SAMD8: variants seen among roughly 807,000 people sequenced by gnomAD.
The protein encoded by SAMD8 is sphingomyelin synthase-related protein 1.
In SAMD8, 20 loss-of-function variants were observed where a neutral mutation model predicts 42.0. The ratio of observed to expected loss-of-function variants is 0.48; its 90% confidence interval spans 0.34 to 0.69. The LOEUF (loss-of-function observed/expected upper bound fraction) is 0.69. Ranked by LOEUF, SAMD8 falls within the 30% of genes least tolerant of loss-of-function variation. SAMD8 has a pLI of 0.01. For missense variants in SAMD8, 328 were observed against 511.6 expected, an observed-to-expected ratio of 0.64 and a Z score of 3.46; for synonymous variants, 162 against 173.0, an observed-to-expected ratio of 0.94 and a Z score of 0.50.
intron 1 of SAMD8, among the ~76,000 whole-genome samples, chr10:75,119,061 T>C (rs1234022921): frequency 1.3e-5 from 2 of 152,264 alleles, no homozygotes; most frequent in Non-Finnish European, 2.9e-5. Context: ...TCCTCAGTGT[T>C]TATCTTGGGA....
At chr10:75,157,651 CT>C (rs1840444424) in intron 2 of SAMD8, among the ~76,000 whole-genome samples, 1 of 152,090 alleles carries the variant, frequency 6.6e-6, no homozygotes, top group African/African-American at 2.4e-5. Flanking sequence ...AGTGAATAGA[CT>C]TGTGTAATGC....
intron 1 of SAMD8, among the ~76,000 whole-genome samples, chr10:75,143,047 G>A (rs1479518591): frequency 2.6e-5 from 4 of 152,138 alleles, no homozygotes; most frequent in Admixed American, 6.5e-5. Context: ...GGTGGCTCAC[G>A]CCTGTAATCC....
At chr10:75,148,346 CTTTTTTTT>C (rs60024591) in intron 1 of SAMD8, among the ~76,000 whole-genome samples, 11 of 82,560 alleles carry the variant, frequency 1.3e-4, no homozygotes, top group African/African-American at 7.2e-4. Context: ...GCAATACCAG[CTTTTTTTT>C]TTTTTTTTTT....
Position 75,176,844 on chromosome 10 carries a change from A to G in SAMD8, c.*152A>G. ...TCTGAGCAAAGTTATGATTATAAAA[A>G]GCAAGAAAGAACAATCAAGAGTCCT... is the stretch of plus-strand genomic sequence containing the variant. On this transcript the variant is annotated 3_prime_UTR_variant, in exon 6 of 6. Coordinates refer to ENST00000542569, the MANE Select transcript of SAMD8 (RefSeq NM_001174156.2). The surrounding 1 kb of genome is among the most constrained non-coding windows in gnomAD (Gnocchi z 4.3). 1 of 616,922 alleles carries G rather than the reference A, an allele frequency of 1.6e-6. No individual in the cohort carries two copies. Among genetic ancestry groups the G allele is most frequent in the Non-Finnish European group, 2.8e-6 (1 of 362,432 alleles). The allele number at this position is 616,922 out of a possible 1,614,324, so 38.2% of individuals were successfully genotyped here.
Position 75,181,594 on chromosome 10 carries a change from T to C in SAMD8, c.*4902T>C, listed in dbSNP as rs1841082591. 2 of 152,258 alleles carry C rather than the reference T, an allele frequency of 1.3e-5. No homozygotes were observed. Among genetic ancestry groups the C allele is most frequent in the Admixed American group, 1.3e-4 (2 of 15,288 alleles). 9.4% of individuals were successfully genotyped at this position (152,258 alleles called of 1,614,324 possible). A position where few individuals can be genotyped will look rare whatever the true frequency, so the allele number is the denominator to read the frequency against. ...TAACCAAAGGACTTTTTATTCAGTG[T>C]ATTCCATGTTTCAGCATAAGGAAAG... On this transcript the variant is annotated 3_prime_UTR_variant, in exon 6 of 6. Coordinates refer to ENST00000542569, the MANE Select transcript of SAMD8 (RefSeq NM_001174156.2).
At chr10:75,129,545 CT>C (rs1215059633) in intron 1 of SAMD8, among the ~76,000 whole-genome samples, 1 of 152,072 alleles carries the variant, frequency 6.6e-6, no homozygotes, top group Non-Finnish European at 1.5e-5. Context: ...GCCTGGACTT[CT>C]TTAAAGTTAA....
At chr10:75,148,345 G>GTTTTTTTTTTTTTTTTTTTTTTTT (rs1564686963) in intron 1 of SAMD8, among the ~76,000 whole-genome samples, 1 of 104,010 alleles carries the variant, frequency 9.6e-6, no homozygotes, top group African/African-American at 5.2e-5. Flanking sequence ...AGCAATACCA[G>GTTTTTTTTTTTTTTTTTTTTTTTT]CTTTTTTTTT....
intron 2 of SAMD8, among the ~76,000 whole-genome samples, chr10:75,153,053 C>G (rs1294346389): frequency 6.6e-6 from 1 of 152,118 alleles, no homozygotes; most frequent in Non-Finnish European, 1.5e-5. Context: ...ACGATCTCAG[C>G]TCACTGCAAC....
At chr10:75,152,429 G>A (rs1171113071) in intron 2 of SAMD8, among the ~76,000 whole-genome samples, 1 of 149,776 alleles carries the variant, frequency 6.7e-6, no homozygotes, top group Non-Finnish European at 1.5e-5. Flanking sequence ...GGCTGAGGCA[G>A]GAGAATGGCG....
intron 1 of SAMD8, chr10:75,104,168 C>T (rs552641118): frequency 1.6e-5 from 18 of 1,160,354 alleles, no homozygotes; most frequent in Middle Eastern, 2.6e-4. Context: ...CTTGTTGGGG[C>T]AGGGATAAGA....
intron 1 of SAMD8, chr10:75,102,025 G>A (rs1848193326): frequency 5.6e-6 from 7 of 1,243,042 alleles, no homozygotes; most frequent in Middle Eastern, 2.2e-4. Flanking sequence ...AGCCTCCCCT[G>A]CCACTCCCAA....
chr10:75,150,557 G>T lies in SAMD8; in HGVS notation c.29G>T (p.Arg10Leu). 6.2e-7 allele frequency: 1 copy of T among 1,613,740 alleles called. No homozygotes were observed. Among genetic ancestry groups the T allele is most frequent in the East Asian group, 2.2e-5 (1 of 44,888 alleles). The change falls in exon 2 of 6, where the codon CGC (arginine) becomes CTC (leucine). Residue 10 changes from arginine (R) to leucine (L), a missense_variant. Arg to Leu is a moderately radical substitution (Grantham distance 102). Transcript: ENST00000542569. MAGPNQLCI[R>L]RWTTKHVAVW... ...GCAGGTCCTAATCAACTCTGCATTC[G>T]CCGCTGGACTACCAAGCATGTAGCT...
In SAMD8 at chr10:75,176,212, C is replaced by T. The variant is rs765148099; in HGVS notation, c.939C>T (p.Thr313=). The T allele has an allele frequency of 1.4e-5, 22 of 1,613,966 alleles. No homozygotes were observed. The highest frequency in any genetic ancestry group is 4.5e-5 in the East Asian group (2 of 44,894). ...TAACTATGCTGAATTTCTTTGTCAC[C>T]GAATGTAAGTATCTTTTTAGTGCTT... ...VVLTMLNFFV[T]EYTPRSWNFL... The change falls in exon 5 of 6, where the codon ACC becomes ACT. Residue 313 remains threonine, a synonymous_variant. Coordinates refer to ENST00000542569, the MANE Select transcript of SAMD8 (RefSeq NM_001174156.2). The surrounding 1 kb of genome is among the most constrained non-coding windows in gnomAD (Gnocchi z 4.3).
At chr10:75,173,477 A>G (rs1840916609) in intron 4 of SAMD8, among the ~76,000 whole-genome samples, 1 of 152,200 alleles carries the variant, frequency 6.6e-6, no homozygotes. Flanking sequence ...GGAAGGATAT[A>G]TGAGACATTT....
At chr10:75,138,001 G>T (rs1406462617) in intron 1 of SAMD8, among the ~76,000 whole-genome samples, 2 of 152,170 alleles carry the variant, frequency 1.3e-5, no homozygotes, top group African/African-American at 4.8e-5. Context: ...ACTGAAACCT[G>T]GAGAATTATG....
intron 2 of SAMD8, among the ~76,000 whole-genome samples, chr10:75,160,929 A>G (rs1352001474): frequency 3.9e-5 from 6 of 152,110 alleles, no homozygotes; most frequent in Admixed American, 3.3e-4. Context: ...TTAGCCAGGC[A>G]TGGTGGAGTG....
chr10:75,176,521 CTT>C lies in SAMD8; in HGVS notation c.1081_1082del (p.Leu361ValfsTer15), dbSNP rs1589982957. 6.4e-7 allele frequency: 1 copy of C among 1,550,498 alleles called. No homozygotes were observed. On this transcript the variant is annotated frameshift_variant, in exon 6 of 6. Coordinates refer to ENST00000542569, the MANE Select transcript of SAMD8 (RefSeq NM_001174156.2). LOFTEE classifies it high-confidence loss of function. This position sits in a 1 kb window ranked among gnomAD's most constrained non-coding sequence, Gnocchi z 4.3. ...TTGCTTTTTATATAACAACAAGACT[CTT>C]TTTGTACTACCATACTCTGGCCAAT... ...FIAFYITTRLFLYYHTLANTR... is the reference protein window; with the variant it reads ...FIAFYITTRLXLYYHTLANTR...
chr10:75,138,174 A>C (rs977268837), intron 1 of SAMD8, among the ~76,000 whole-genome samples: 1 of 152,178 alleles, frequency 6.6e-6, no homozygotes, highest in Non-Finnish European at 1.5e-5. Context: ...ACCCTGAGGA[A>C]TAATGATTAG....
At chr10:75,109,062 C>G (rs935668917), upstream of SAMD8, 3 of 1,612,236 alleles carry the variant, frequency 1.9e-6, no homozygotes, top group Admixed American at 3.3e-5. Context: ...TGCAAGAAGA[C>G]TTCCCTGCCC....
Sources: allele counts gnomAD v4.1 joint callset (sites outside exome capture counted in the v4.1 genomes callset), GRCh38; gene constraint gnomAD v4.1.1; non-coding constraint Gnocchi (gnomAD v3.1); transcripts MANE v1.5; gene names NCBI Gene and HGNC (gene_info 2026-07-23, HGNC 2026-07-21).